The following KCTD8 variants were observed in gnomAD, a reference collection of about 807,000 sequenced individuals.
KCTD8 encodes the protein BTB/POZ domain-containing protein KCTD8.
KCTD8 carries 27 observed loss-of-function variants against 31.5 expected under a neutral mutation model. That is an observed-to-expected ratio of 0.86 (90% CI 0.63 to 1.18). The LOEUF is 1.18. Ranked by LOEUF, KCTD8 falls within the 50% of genes most tolerant of loss-of-function variation. The pLI is 0.00. For synonymous variants in KCTD8, 290 were observed against 280.0 expected (o/e 1.04, Z -0.36); for missense variants, 658 against 647.7 (o/e 1.02, Z -0.17).
chr4:44,321,082 C>A (rs1003494524), intron 1 of KCTD8, among the ~76,000 whole-genome samples: 4 of 152,190 alleles, frequency 2.6e-5, no homozygotes, highest in Non-Finnish European at 4.4e-5. Flanking sequence ...CCTTCATCAA[C>A]CATCCTAGGT....
intron 1 of KCTD8, among the ~76,000 whole-genome samples, chr4:44,347,459 G>C (rs1019029981): frequency 6.6e-6 from 1 of 152,200 alleles, no homozygotes; most frequent in South Asian, 2.1e-4. Context: ...CTACTGGTCA[G>C]TGGGGACTTT....
intron 1 of KCTD8, among the ~76,000 whole-genome samples, chr4:44,371,845 C>A (rs1369249826): frequency 6.6e-6 from 1 of 151,992 alleles, no homozygotes; most frequent in Admixed American, 6.5e-5. Context: ...ATATTTTCCT[C>A]CCTTTCTTAT....
chr4:44,183,601 G>A (rs1486928038), intron 1 of KCTD8, among the ~76,000 whole-genome samples: 1 of 151,638 alleles, frequency 6.6e-6, no homozygotes, highest in Admixed American at 6.6e-5. Context: ...ATGAGGTACA[G>A]AAACTAAATG....
chr4:44,366,268 C>A (rs938072814), intron 1 of KCTD8, among the ~76,000 whole-genome samples: 3 of 152,132 alleles, frequency 2.0e-5, no homozygotes, highest in African/African-American at 7.2e-5. Flanking sequence ...TGTTTCCACC[C>A]AAATCCCATG....
chr4:44,316,544 G>A (rs1718113586), intron 1 of KCTD8, among the ~76,000 whole-genome samples: 1 of 151,880 alleles, frequency 6.6e-6, no homozygotes, highest in African/African-American at 2.4e-5. Flanking sequence ...CTCACCAGTT[G>A]TATATGTCTC....
chr4:44,225,970 G>A (rs1478011804), intron 1 of KCTD8, among the ~76,000 whole-genome samples: 7 of 151,762 alleles, frequency 4.6e-5, no homozygotes, highest in African/African-American at 9.7e-5. Flanking sequence ...ACAGGTGTCC[G>A]CCATCACGCC....
intron 1 of KCTD8, among the ~76,000 whole-genome samples, chr4:44,248,871 T>C (rs1422559271): frequency 6.6e-6 from 1 of 151,846 alleles, no homozygotes; most frequent in Admixed American, 6.6e-5. Flanking sequence ...CTGGAGAACC[T>C]GCCTCAAACT....
At chr4:44,230,804 T>C (rs1470438209) in intron 1 of KCTD8, among the ~76,000 whole-genome samples, 2 of 152,212 alleles carry the variant, frequency 1.3e-5, no homozygotes, top group Middle Eastern at 3.4e-3. Context: ...TGCCATTAAA[T>C]TTTTTTAATA....
chr4:44,296,477 T>C (rs1319694716), intron 1 of KCTD8, among the ~76,000 whole-genome samples: 2 of 152,152 alleles, frequency 1.3e-5, no homozygotes, highest in Non-Finnish European at 2.9e-5. Flanking sequence ...CAATAATTTA[T>C]AATGTTATTC....
chr4:44,341,466 G>A (rs1402964316), intron 1 of KCTD8, among the ~76,000 whole-genome samples: 1 of 152,200 alleles, frequency 6.6e-6, no homozygotes, highest in Non-Finnish European at 1.5e-5. Flanking sequence ...CAAAATTGGA[G>A]CAAATCCTCT....
chr4:44,407,928 T>C (rs1720843130), intron 1 of KCTD8, among the ~76,000 whole-genome samples: 1 of 152,136 alleles, frequency 6.6e-6, no homozygotes, highest in Non-Finnish European at 1.5e-5. Context: ...CACCCCATAC[T>C]CTACACAAGG....
chr4:44,176,384 C>CCTGATTT (rs1285057451), intron 1 of KCTD8, among the ~76,000 whole-genome samples: 3 of 152,150 alleles, frequency 2.0e-5, no homozygotes, highest in African/African-American at 7.2e-5. Flanking sequence ...CCCCAGACCT[C>CCTGATTT]CTGATTTAAT....
At chr4:44,418,773 G>A (rs747237991) in intron 1 of KCTD8, among the ~76,000 whole-genome samples, 3 of 152,102 alleles carry the variant, frequency 2.0e-5, no homozygotes, top group Non-Finnish European at 4.4e-5. Context: ...CTGTGAAGTG[G>A]TAAAAACAGA....
chr4:44,424,310 A>G (rs994413057), intron 1 of KCTD8, among the ~76,000 whole-genome samples: 4 of 152,080 alleles, frequency 2.6e-5, no homozygotes, highest in Non-Finnish European at 5.9e-5. Context: ...TATACGTAGT[A>G]TCAGGCATGT....
intron 1 of KCTD8, among the ~76,000 whole-genome samples, chr4:44,247,903 T>G (rs1002953210): frequency 4.6e-5 from 7 of 151,922 alleles, no homozygotes; most frequent in South Asian, 2.1e-4. Flanking sequence ...TGAATAATGC[T>G]GCAATGAATA....
intron 1 of KCTD8, among the ~76,000 whole-genome samples, chr4:44,319,205 A>G (rs1027843373): frequency 6.6e-6 from 1 of 152,208 alleles, no homozygotes; most frequent in Non-Finnish European, 1.5e-5. Context: ...TGAAATACTG[A>G]GGTTTCAATT....
chr4:44,323,062 T>A (rs1560426141), intron 1 of KCTD8, among the ~76,000 whole-genome samples: 1 of 151,970 alleles, frequency 6.6e-6, no homozygotes, highest in Non-Finnish European at 1.5e-5. Flanking sequence ...TCGCTTTAGG[T>A]TTTTGAGGTC....
intron 1 of KCTD8, among the ~76,000 whole-genome samples, chr4:44,395,781 G>C (rs774131647): frequency 5.9e-5 from 9 of 151,968 alleles, no homozygotes; most frequent in Non-Finnish European, 1.0e-4. Context: ...CACTGGCTGG[G>C]GGTGAGGTTC....
intron 1 of KCTD8, among the ~76,000 whole-genome samples, chr4:44,268,243 G>GCA (rs780073951): frequency 0.11 from 16,904 of 149,894 alleles, 1,114 homozygotes; most frequent in East Asian, 0.23. Context: ...TTCAATATAT[G>GCA]CAAATCAATA....
Sources: gnomAD v4.1 joint callset for allele counts (sites outside exome capture counted in the v4.1 genomes callset) on GRCh38, gnomAD v4.1.1 for gene constraint, MANE v1.5 for transcripts, NCBI Gene and HGNC (gene_info 2026-07-23, HGNC 2026-07-21) for gene names.